Variants in CLSTN2 observed in about 807,000 individuals in gnomAD.
CLSTN2 encodes the protein calsyntenin 2, also known as calsyntenin-2.
CLSTN2 carries 48 observed loss-of-function variants against 101.2 expected under a neutral mutation model. The ratio of observed to expected loss-of-function variants is 0.47; its 90% confidence interval spans 0.38 to 0.60. The LOEUF is 0.60. CLSTN2 is among the 20% of genes least tolerant of loss of function. The pLI, the probability that CLSTN2 is intolerant of heterozygous loss-of-function variation, is 0.00. For missense variants in CLSTN2, 1,160 were observed against 1,238.2 expected (o/e 0.94, Z 0.95); for synonymous variants, 481 against 463.6 (o/e 1.04, Z -0.48).
chr3:140,509,718 T>C (rs2107767105), intron 8 of CLSTN2, among the ~76,000 whole-genome samples: 1 of 152,288 alleles, frequency 6.6e-6, no homozygotes, highest in South Asian at 2.1e-4. Flanking sequence ...GCACAGGGAA[T>C]GCACAACCCC....
At chr3:140,364,533 G>A (rs1305545750) in intron 2 of CLSTN2, among the ~76,000 whole-genome samples, 1 of 152,168 alleles carries the variant, frequency 6.6e-6, no homozygotes, top group Non-Finnish European at 1.5e-5. Context: ...CAGCAGTGAG[G>A]AGCAAGGGTA....
chr3:140,221,059 G>A (rs750487773), intron 2 of CLSTN2, among the ~76,000 whole-genome samples: 27 of 152,224 alleles, frequency 1.8e-4, no homozygotes, highest in Non-Finnish European at 2.6e-4. Flanking sequence ...TGAAATAGCA[G>A]AATAATATTC....
At chr3:140,165,359 T>C (rs2010118477) in intron 1 of CLSTN2, among the ~76,000 whole-genome samples, 1 of 152,206 alleles carries the variant, frequency 6.6e-6, no homozygotes, top group South Asian at 2.1e-4. Context: ...TCACTTTGTT[T>C]ACCAGTGACT....
chr3:140,070,798 A>C (rs568041249), intron 1 of CLSTN2, among the ~76,000 whole-genome samples: 16 of 152,270 alleles, frequency 1.1e-4, no homozygotes, highest in Non-Finnish European at 2.2e-4. Context: ...TTTGTAAATA[A>C]AATTTTATTA....
chr3:140,328,380 G>T (rs2087350891), intron 2 of CLSTN2, among the ~76,000 whole-genome samples: 1 of 152,176 alleles, frequency 6.6e-6, no homozygotes, highest in African/African-American at 2.4e-5. Flanking sequence ...AAGCTGCTGG[G>T]TCCACACAGA....
intron 2 of CLSTN2, among the ~76,000 whole-genome samples, chr3:140,401,682 T>C (rs533959099): frequency 1.3e-5 from 2 of 152,324 alleles, no homozygotes; most frequent in South Asian, 2.1e-4. Context: ...ACCATGGCAG[T>C]GGTTGGGCAC....
chr3:140,265,761 G>A (rs1272615009), intron 2 of CLSTN2, among the ~76,000 whole-genome samples: 1 of 152,124 alleles, frequency 6.6e-6, no homozygotes, highest in Non-Finnish European at 1.5e-5. Context: ...TCCTGAAGAG[G>A]GAAGTTTGTA....
chr3:140,095,976 C>G lies in CLSTN2; in HGVS notation c.110-79975C>G, dbSNP rs116832027. On this transcript the variant is annotated intron_variant, in intron 1 of 16. Transcript: ENST00000458420. ...GATTGTGCAGTTTTGTCAAGTTGCT[C>G]TCCTAGGAGATAAAGCACAATGGGT... Among the ~76,000 whole-genome samples the G allele has an allele frequency of 6.4e-3, 971 of 152,236 alleles. 9 individuals carry two copies. The highest frequency in any genetic ancestry group is 0.022 in the African/African-American group (918 of 41,516).
chr3:140,458,558 G>A (rs970060449), intron 6 of CLSTN2, among the ~76,000 whole-genome samples: 5 of 152,152 alleles, frequency 3.3e-5, no homozygotes, highest in Admixed American at 2.6e-4. Flanking sequence ...TCTCTGGCAG[G>A]ACAGTTGTCG....
chr3:140,551,420 A>T (rs1935696717), intron 10 of CLSTN2, among the ~76,000 whole-genome samples: 1 of 151,920 alleles, frequency 6.6e-6, no homozygotes, highest in South Asian at 2.1e-4. Flanking sequence ...TATTGTATCC[A>T]TACAAGATAC....
At chr3:140,558,909 C>T in intron 12 of CLSTN2, 52 bp downstream of exon 12, 1 of 1,381,880 alleles carries the variant, frequency 7.2e-7, no homozygotes. Flanking sequence ...TTTTTACAGC[C>T]ATGTGAAAAC....
intron 2 of CLSTN2, among the ~76,000 whole-genome samples, chr3:140,356,756 C>CAA (rs55634580): frequency 0.05 from 5,491 of 110,538 alleles, 361 homozygotes; most frequent in African/African-American, 0.15. Context: ...GACCTTGTCT[C>CAA]AAAAAAAAAA....
At chr3:140,016,148 G>A (rs973524251) in intron 1 of CLSTN2, among the ~76,000 whole-genome samples, 1 of 152,178 alleles carries the variant, frequency 6.6e-6, no homozygotes, top group Non-Finnish European at 1.5e-5. Flanking sequence ...TGGGGTGGGT[G>A]GGAGATGAAA....
At chr3:140,237,443 A>G (rs1316947604) in intron 2 of CLSTN2, among the ~76,000 whole-genome samples, 1 of 152,134 alleles carries the variant, frequency 6.6e-6, no homozygotes, top group African/African-American at 2.4e-5. Context: ...TCAGAGCTCA[A>G]GGACTTGAGG....
intron 1 of CLSTN2, among the ~76,000 whole-genome samples, chr3:140,057,133 A>C (rs1016967551): frequency 6.6e-6 from 1 of 152,238 alleles, no homozygotes; most frequent in African/African-American, 2.4e-5. Flanking sequence ...TGCACAGATG[A>C]AGAAACTGAA....
chr3:140,041,158 A>G (rs1173495897), intron 1 of CLSTN2, among the ~76,000 whole-genome samples: 2 of 152,160 alleles, frequency 1.3e-5, no homozygotes, highest in African/African-American at 2.4e-5. Context: ...CATTTTTATC[A>G]TCTTGAGATA....
chr3:140,096,935 A>C (rs2008878951), intron 1 of CLSTN2, among the ~76,000 whole-genome samples: 1 of 152,174 alleles, frequency 6.6e-6, no homozygotes, highest in Non-Finnish European at 1.5e-5. Flanking sequence ...GCTGGGTTCT[A>C]GTTCTTGCTC....
chr3:140,031,338 A>G (rs2007543645), intron 1 of CLSTN2, among the ~76,000 whole-genome samples: 1 of 152,172 alleles, frequency 6.6e-6, no homozygotes, highest in Non-Finnish European at 1.5e-5. Context: ...AGGAGAAAAT[A>G]ATCACTACAT....
intron 1 of CLSTN2, among the ~76,000 whole-genome samples, chr3:139,959,311 T>C (rs1935462669): frequency 6.6e-6 from 1 of 152,188 alleles, no homozygotes; most frequent in Admixed American, 6.5e-5. Context: ...AGCTTCCCAT[T>C]CTCCATCACT....
Sources: allele counts gnomAD v4.1 joint callset (sites outside exome capture counted in the v4.1 genomes callset), GRCh38; gene constraint gnomAD v4.1.1; transcripts MANE v1.5; gene names NCBI Gene and HGNC (gene_info 2026-07-23, HGNC 2026-07-21).